The following CFAP43 variants were observed in gnomAD, a reference collection of about 807,000 sequenced individuals.
The protein encoded by CFAP43 is cilia and flagella associated protein 43.
CFAP43 carries 155 observed loss-of-function variants against 218.9 expected under a neutral mutation model. That is an observed-to-expected ratio of 0.71 (90% CI 0.62 to 0.81). The LOEUF (loss-of-function observed/expected upper bound fraction) is 0.81, where lower values mean the gene tolerates loss of function less well. Ranked by LOEUF, CFAP43 falls within the 30% of genes least tolerant of loss-of-function variation. The pLI is 0.00. For missense variants in CFAP43, 1,778 were observed against 1,954.3 expected, an observed-to-expected ratio of 0.91 and a Z score of 1.70; for synonymous variants, 645 against 681.3, an observed-to-expected ratio of 0.95 and a Z score of 0.83.
intron 19 of CFAP43, among the ~76,000 whole-genome samples, chr10:104,174,226 A>C (rs1002016421): frequency 2.6e-5 from 4 of 152,242 alleles, no homozygotes; most frequent in African/African-American, 4.8e-5. Flanking sequence ...GTCTGTTTTC[A>C]TGCAGCTGAA....
Position 104,131,968 on chromosome 10 carries a change from A to T in CFAP43, c.4677+148T>A. 7.6e-6 allele frequency: 4 copies of T among 525,630 alleles called. No individual in the cohort carries two copies. The South Asian group carries it at 1.6e-4, about 21-fold the overall frequency. The allele number at this position is 525,630 out of a possible 1,614,324, so 32.6% of individuals were successfully genotyped here. A position where few individuals can be genotyped will look rare whatever the true frequency, so the allele number is the denominator to read the frequency against. On this transcript the variant is annotated intron_variant, in intron 36 of 37. Transcript: ENST00000357060. ...CATTAGTTGCGGTTGCAAAGATACT[A>T]CTTAGGGACTTTTAATTACCTCATG...
chr10:104,132,710 A>G (rs2087255835), intron 35 of CFAP43: 2 of 985,108 alleles, frequency 2.0e-6, no homozygotes, highest in African/African-American at 1.7e-5. Context: ...ATTACATCAA[A>G]GCACCAATTA....
chr10:104,157,767 TGTGTGTGTGAGAGAGAGA>T (rs2134797099), intron 27 of CFAP43, among the ~76,000 whole-genome samples: 1 of 118,738 alleles, frequency 8.4e-6, no homozygotes, highest in African/African-American at 3.6e-5. Flanking sequence ...TGTGTGTGTG[TGTGTGTGTGAGAGAGAGA>T]GAGAGAGAGA....
chr10:104,198,794 G>A lies in CFAP43; in HGVS notation c.1096-756C>T, dbSNP rs1053128271. 2.0e-5 allele frequency among the ~76,000 whole-genome samples: 3 copies of A among 151,762 alleles called. No individual in the cohort carries two copies. In the South Asian group the frequency reaches 6.2e-4, roughly 31 times the overall value. ...GCCTCCTGAGTAGCTGGGATTACAG[G>A]TGCCCGCCACTGTGCTCGGCTAATT... On this transcript the variant is annotated intron_variant, in intron 8 of 37. Coordinates refer to ENST00000357060, the MANE Select transcript of CFAP43 (RefSeq NM_025145.7).
In CFAP43 at chr10:104,191,480, CT is replaced by C. The variant is rs202166179; in HGVS notation, c.1546+718del. On this transcript the variant is annotated intron_variant, in intron 12 of 37. Transcript: ENST00000357060. ...AAACTCCTCCAATCCTCCGCACCCC[CT>C]GACCAGTGCCCACCTTCACCTCCAC... Among the ~76,000 whole-genome samples, 17 of 152,250 alleles carry C rather than the reference CT, an allele frequency of 1.1e-4. No homozygotes were observed. In the East Asian group the frequency reaches 3.1e-3, roughly 28 times the overall value.
chr10:104,132,802 C>T, intron 35 of CFAP43: 1 of 983,632 alleles, frequency 1.0e-6, no homozygotes, highest in Non-Finnish European at 1.2e-6. Context: ...CCACTTGAGT[C>T]CCACATTAAC....
At chr10:104,221,281 G>A (rs1400426627) in intron 3 of CFAP43, among the ~76,000 whole-genome samples, 1 of 152,118 alleles carries the variant, frequency 6.6e-6, no homozygotes, top group Non-Finnish European at 1.5e-5. Flanking sequence ...AGCTGTGTGT[G>A]TGTTCTTTTA....
rs1196078906 is a variant in CFAP43, at chr10:104,232,142, C to A, written c.65+40G>T. 1.9e-6 allele frequency: 3 copies of A among 1,584,866 alleles called. No individual in the cohort carries two copies. In the African/African-American group the frequency reaches 4.1e-5, roughly 22 times the overall value. The stretch of plus-strand genomic sequence containing the variant: ...GGAGGGGACTTGGGGCAGGAGGTTC[C>A]GCGAGACCCAGATCGGTCGCGGGGC... On this transcript the variant is annotated intron_variant, in intron 1 of 37. Transcript: ENST00000357060.
intron 4 of CFAP43, among the ~76,000 whole-genome samples, chr10:104,213,660 C>A (rs181906844): frequency 6.6e-6 from 1 of 152,196 alleles, no homozygotes; most frequent in East Asian, 1.9e-4. Context: ...CTCAGCCTCC[C>A]GAGTAGCTGG....
intron 37 of CFAP43, 88 bp from the exon 38 acceptor site, chr10:104,130,393 A>G: frequency 1.4e-6 from 2 of 1,473,212 alleles, no homozygotes; most frequent in Non-Finnish European, 9.2e-7. Context: ...TGTGGAAGAA[A>G]TGCTGGTAGC....
chr10:104,210,947 T>C (rs538369712), intron 5 of CFAP43, among the ~76,000 whole-genome samples: 1 of 151,946 alleles, frequency 6.6e-6, no homozygotes, highest in Non-Finnish European at 1.5e-5. Flanking sequence ...TCCGCCACCA[T>C]GCCCGGCTAA....
intron 23 of CFAP43, among the ~76,000 whole-genome samples, chr10:104,165,150 A>G (rs570059555): frequency 6.6e-6 from 1 of 152,328 alleles, no homozygotes; most frequent in Admixed American, 6.5e-5. Flanking sequence ...AACCTGTGCT[A>G]GCCAGCTGGA....
At chr10:104,142,492 C>T in intron 32 of CFAP43, 99 bp from the exon 33 acceptor site, 1 of 740,798 alleles carries the variant, frequency 1.3e-6, no homozygotes, top group Non-Finnish European at 2.1e-6. Context: ...CTTAACAGGT[C>T]TATCTTTCGA....
At chr10:104,166,983 C>T (rs2089188600) in intron 22 of CFAP43, among the ~76,000 whole-genome samples, 1 of 152,124 alleles carries the variant, frequency 6.6e-6, no homozygotes, top group Non-Finnish European at 1.5e-5. Flanking sequence ...AGTATGACAT[C>T]TGCTTGTAAA....
intron 17 of CFAP43, among the ~76,000 whole-genome samples, chr10:104,181,810 AC>A (rs2089855159): frequency 6.6e-6 from 1 of 151,760 alleles, no homozygotes; most frequent in Non-Finnish European, 1.5e-5. Flanking sequence ...TATCACATCA[AC>A]CTATTTTTAT....
intron 8 of CFAP43, among the ~76,000 whole-genome samples, chr10:104,201,365 G>A (rs539258095): frequency 1.3e-5 from 2 of 151,502 alleles, no homozygotes; most frequent in Admixed American, 6.6e-5. Flanking sequence ...TATGCTTTTT[G>A]TTTATCTCAA....
intron 3 of CFAP43, among the ~76,000 whole-genome samples, chr10:104,216,978 A>G (rs1047998974): frequency 6.6e-6 from 1 of 152,106 alleles, no homozygotes; most frequent in African/African-American, 2.4e-5. Context: ...GATATTCCTC[A>G]AGGTTCCACC....
At chr10:104,168,079 C>T (rs988508704) in intron 21 of CFAP43, among the ~76,000 whole-genome samples, 1 of 152,138 alleles carries the variant, frequency 6.6e-6, no homozygotes, top group Admixed American at 6.5e-5. Context: ...ATGCTACTGT[C>T]TCCAAATAGA....
intron 34 of CFAP43, among the ~76,000 whole-genome samples, chr10:104,137,235 T>C (rs1377598168): frequency 6.6e-6 from 1 of 152,176 alleles, no homozygotes; most frequent in African/African-American, 2.4e-5. Flanking sequence ...AGCTGATGAA[T>C]GGATAAACAA....
Sources: gnomAD v4.1 joint callset for allele counts (sites outside exome capture counted in the v4.1 genomes callset) on GRCh38, gnomAD v4.1.1 for gene constraint, MANE v1.5 for transcripts, NCBI Gene and HGNC (gene_info 2026-07-23, HGNC 2026-07-21) for gene names.